Variants in ACTR3C observed in about 807,000 individuals in gnomAD.
ACTR3C encodes the protein actin-related protein 3C.
ACTR3C carries 18 observed loss-of-function variants against 26.3 expected under a neutral mutation model. The observed-to-expected ratio is 0.68, with a 90% confidence interval of 0.47 to 1.01. ACTR3C has a LOEUF of 1.01. Among genes scored for constraint, ACTR3C ranks in the 50% least tolerant of loss-of-function variants. ACTR3C has a pLI of 0.00. For missense variants in ACTR3C, 184 were observed against 250.7 expected, an observed-to-expected ratio of 0.73 and a Z score of 1.80; for synonymous variants, 55 against 94.5, an observed-to-expected ratio of 0.58 and a Z score of 2.42.
chr7:149,906,408 G>GT, the ACTR3C span, among the ~76,000 whole-genome samples: 1 of 90,706 alleles, frequency 1.1e-5, no homozygotes, highest in African/African-American at 5.1e-5. Context: ...TGTGGGGTTT[G>GT]TTTCTTTTTT....
the ACTR3C span, among the ~76,000 whole-genome samples, chr7:149,884,694 G>C: frequency 6.6e-6 from 1 of 152,192 alleles, no homozygotes; most frequent in African/African-American, 2.4e-5. Flanking sequence ...GATGAAGGAG[G>C]CTGGGGCTTT....
chr7:150,310,459 G>A (rs749454082), intron 1 of ACTR3C, among the ~76,000 whole-genome samples: 1 of 146,580 alleles, frequency 6.8e-6, no homozygotes, highest in Non-Finnish European at 1.5e-5. Context: ...TCCAGAAACC[G>A]GGCAAGTCCT....
At chr7:149,882,415 G>A in the ACTR3C span, among the ~76,000 whole-genome samples, 2 of 152,194 alleles carry the variant, frequency 1.3e-5, no homozygotes, top group African/African-American at 4.8e-5. Context: ...CTGGAGAGCT[G>A]CTCGCTGCTC....
chr7:150,194,295 C>A, the ACTR3C span, among the ~76,000 whole-genome samples: 1 of 140,588 alleles, frequency 7.1e-6, no homozygotes, highest in Non-Finnish European at 1.5e-5. Context: ...ATATAAAAGT[C>A]TTTTCTTTTC....
At chr7:150,112,036 TC>T in the ACTR3C span, among the ~76,000 whole-genome samples, 1 of 150,704 alleles carries the variant, frequency 6.6e-6, no homozygotes, top group African/African-American at 2.4e-5. Flanking sequence ...CATTTATTCC[TC>T]CGACTCACTG....
intron 6 of ACTR3C, among the ~76,000 whole-genome samples, chr7:150,281,587 G>A (rs937885794): frequency 2.1e-4 from 32 of 151,220 alleles, no homozygotes; most frequent in African/African-American, 7.3e-4. Context: ...TCTACCCTGG[G>A]CTGTGAGCAG....
chr7:150,000,863 G>A, the ACTR3C span: 1 of 137,972 alleles, frequency 7.2e-6, no homozygotes, highest in East Asian at 2.0e-4. Context: ...AGCTCCCAGA[G>A]TGAAAGGGAT....
the ACTR3C span, among the ~76,000 whole-genome samples, chr7:150,190,375 T>G: frequency 6.8e-6 from 1 of 147,720 alleles, no homozygotes. Flanking sequence ...TTCAACAATT[T>G]TAAAATTATA....
At chr7:150,037,472 G>A in the ACTR3C span, among the ~76,000 whole-genome samples, 1 of 54,068 alleles carries the variant, frequency 1.8e-5, no homozygotes, top group Non-Finnish European at 4.3e-5. Flanking sequence ...TCCCCCCCCT[G>A]CGATGGGGGT....
the ACTR3C span, among the ~76,000 whole-genome samples, chr7:150,112,090 C>A: frequency 1.3e-5 from 2 of 149,486 alleles, no homozygotes; most frequent in East Asian, 2.0e-4. Context: ...TTCCTATCCA[C>A]GCTGAGAAGC....
chr7:150,295,174 A>G (rs2129613433), intron 2 of ACTR3C, 78 bp downstream of exon 2: 2 of 1,535,316 alleles, frequency 1.3e-6, no homozygotes, highest in Middle Eastern at 3.4e-4. Flanking sequence ...CTTCCAGCGG[A>G]GAACCTTGGG....
the ACTR3C span, among the ~76,000 whole-genome samples, chr7:150,033,721 G>C: frequency 6.6e-6 from 1 of 151,736 alleles, no homozygotes; most frequent in Non-Finnish European, 1.5e-5. Flanking sequence ...AACCAGGGGC[G>C]GAAGAGGGGA....
At chr7:150,267,492 A>C (rs939765334) in intron 6 of ACTR3C, among the ~76,000 whole-genome samples, 4 of 152,230 alleles carry the variant, frequency 2.6e-5, no homozygotes, top group African/African-American at 9.7e-5. Context: ...CTTAGTGGTC[A>C]GACCGACTAC....
the ACTR3C span, among the ~76,000 whole-genome samples, chr7:150,209,256 G>C: frequency 2.7e-5 from 4 of 147,068 alleles, 1 homozygote; most frequent in African/African-American, 5.4e-5. Context: ...GACAGAGAGA[G>C]AGACAGAAAC....
At chr7:150,010,144 C>G in the ACTR3C span, among the ~76,000 whole-genome samples, 1 of 152,226 alleles carries the variant, frequency 6.6e-6, no homozygotes, top group Non-Finnish European at 1.5e-5. Context: ...CCGTGACACT[C>G]CCTCCTGTCC....
At chr7:150,046,436 C>T in the ACTR3C span, among the ~76,000 whole-genome samples, 1 of 144,532 alleles carries the variant, frequency 6.9e-6, no homozygotes, top group Admixed American at 7.6e-5. Flanking sequence ...GAGGTAATGA[C>T]CAAAACCACC....
intron 1 of ACTR3C, among the ~76,000 whole-genome samples, chr7:150,310,342 C>T (rs1796196150): frequency 6.6e-6 from 1 of 152,104 alleles, no homozygotes; most frequent in Non-Finnish European, 1.5e-5. Context: ...TGCCAGTATC[C>T]CATCCCACAC....
chr7:150,147,773 C>CA, the ACTR3C span, among the ~76,000 whole-genome samples: 6 of 151,568 alleles, frequency 4.0e-5, no homozygotes, highest in Non-Finnish European at 8.8e-5. Context: ...CGTTTCAGTC[C>CA]AGTCACAGGA....
At chr7:150,149,910 C>G in the ACTR3C span, among the ~76,000 whole-genome samples, 1 of 152,246 alleles carries the variant, frequency 6.6e-6, no homozygotes. Context: ...TATGTGCACA[C>G]TGAGAAAAAT....
Sources: allele counts gnomAD v4.1 joint callset (sites outside exome capture counted in the v4.1 genomes callset), GRCh38; gene constraint gnomAD v4.1.1; transcripts MANE v1.5; gene names NCBI Gene and HGNC (gene_info 2026-07-23, HGNC 2026-07-21).